CDH12: variants seen among roughly 807,000 people sequenced by gnomAD.
CDH12 encodes the protein cadherin 12.
Under a neutral mutation model 74.1 loss-of-function variants are expected in CDH12, and 41 were observed. The observed-to-expected ratio is 0.55, with a 90% CI of 0.43 to 0.72. The LOEUF (loss-of-function observed/expected upper bound fraction) is 0.72, where lower values mean the gene tolerates loss of function less well. Ranked by LOEUF, CDH12 falls within the 30% of genes least tolerant of loss-of-function variation. CDH12 has a pLI of 0.00. For missense variants in CDH12, 945 were observed against 977.2 expected (o/e 0.97, Z 0.44); for synonymous variants, 399 against 355.0 (o/e 1.12, Z -1.39).
chr5:21,835,217 A>G (rs978736744), intron 8 of CDH12, among the ~76,000 whole-genome samples: 2 of 151,924 alleles, frequency 1.3e-5, no homozygotes, highest in African/African-American at 4.8e-5. Flanking sequence ...CTCAAATAAC[A>G]GGAAATATTT....
At chr5:22,735,220 T>C (rs1744625187) in intron 1 of CDH12, among the ~76,000 whole-genome samples, 1 of 151,900 alleles carries the variant, frequency 6.6e-6, no homozygotes, top group Admixed American at 6.6e-5. Context: ...GTACATTAAA[T>C]GTGTGGCTAT....
chr5:22,314,941 C>CTTTTTTT (rs759734847), intron 3 of CDH12, among the ~76,000 whole-genome samples: 762 of 67,752 alleles, frequency 0.011, 246 homozygotes, highest in East Asian at 0.022. Flanking sequence ...CTGGGTTGGT[C>CTTTTTTT]TTTTTTTTTT....
At chr5:22,325,584 T>C (rs924160725) in intron 3 of CDH12, among the ~76,000 whole-genome samples, 4 of 152,044 alleles carry the variant, frequency 2.6e-5, no homozygotes, top group African/African-American at 9.7e-5. Context: ...GTGTAAGTAA[T>C]GTAAAAACAA....
At chr5:22,543,831 A>C (rs1738202698) in intron 1 of CDH12, among the ~76,000 whole-genome samples, 2 of 152,140 alleles carry the variant, frequency 1.3e-5, no homozygotes, top group Non-Finnish European at 2.9e-5. Context: ...CAATGCTCAT[A>C]CTTTCAAACA....
intron 1 of CDH12, among the ~76,000 whole-genome samples, chr5:22,663,800 C>G (rs958449663): frequency 2.8e-5 from 4 of 144,734 alleles, no homozygotes; most frequent in African/African-American, 1.0e-4. Flanking sequence ...ACATAATGAG[C>G]CATGATATAA....
At chr5:22,120,475 C>G (rs1745443607) in intron 4 of CDH12, among the ~76,000 whole-genome samples, 1 of 152,048 alleles carries the variant, frequency 6.6e-6, no homozygotes, top group Admixed American at 6.6e-5. Flanking sequence ...AAGAGAGAAA[C>G]ACCACTATAA....
At chr5:22,129,682 T>C (rs527951199) in intron 4 of CDH12, among the ~76,000 whole-genome samples, 2 of 152,256 alleles carry the variant, frequency 1.3e-5, no homozygotes, top group African/African-American at 2.4e-5. Context: ...CTTTACGTGT[T>C]TAATCGTTTT....
At chr5:21,816,649 A>AAAAAAAAAAAAAAC (rs1561209107) in intron 9 of CDH12, among the ~76,000 whole-genome samples, 1 of 145,178 alleles carries the variant, frequency 6.9e-6, no homozygotes, top group African/African-American at 2.5e-5. Context: ...AAAAAAAAAA[A>AAAAAAAAAAAAAAC]AAAAGAATAG....
At chr5:21,806,933 T>G (rs1461501196) in intron 9 of CDH12, among the ~76,000 whole-genome samples, 1 of 152,166 alleles carries the variant, frequency 6.6e-6, no homozygotes, top group African/African-American at 2.4e-5. Context: ...GCCAAAACCA[T>G]GTTTGCAAAA....
At chr5:22,230,320 T>A (rs1752337125) in intron 3 of CDH12, among the ~76,000 whole-genome samples, 1 of 152,084 alleles carries the variant, frequency 6.6e-6, no homozygotes, top group Non-Finnish European at 1.5e-5. Flanking sequence ...CAATACATAA[T>A]ATCATTATTT....
chr5:22,756,098 GAA>G (rs60067455), intron 1 of CDH12, among the ~76,000 whole-genome samples: 232 of 87,318 alleles, frequency 2.7e-3, no homozygotes, highest in African/African-American at 5.8e-3. Context: ...TTCAAGGACC[GAA>G]AAAAAAAAAA....
intron 8 of CDH12, among the ~76,000 whole-genome samples, chr5:21,833,177 A>G (rs1326650788): frequency 2.4e-5 from 1 of 42,366 alleles, no homozygotes; most frequent in Non-Finnish European, 3.3e-5. Flanking sequence ...TATTATAAAT[A>G]TATATTATAT....
chr5:21,814,760 C>G (rs1048633939), intron 9 of CDH12, among the ~76,000 whole-genome samples: 1 of 150,394 alleles, frequency 6.6e-6, no homozygotes, highest in African/African-American at 2.4e-5. Flanking sequence ...AATATTATGA[C>G]TTCTTAATTT....
At chr5:22,286,454 C>T (rs1737138063) in intron 3 of CDH12, among the ~76,000 whole-genome samples, 1 of 152,156 alleles carries the variant, frequency 6.6e-6, no homozygotes, top group South Asian at 2.1e-4. Flanking sequence ...AAATTCTAGA[C>T]ACACAAGGTT....
chr5:22,131,028 AT>A (rs1746152728), intron 4 of CDH12, among the ~76,000 whole-genome samples: 1 of 151,992 alleles, frequency 6.6e-6, no homozygotes, highest in African/African-American at 2.4e-5. Flanking sequence ...GCTCCTTATT[AT>A]TGCTTAGTGT....
intron 1 of CDH12, among the ~76,000 whole-genome samples, chr5:22,523,952 C>A (rs1029917011): frequency 1.3e-5 from 2 of 150,364 alleles, no homozygotes; most frequent in Non-Finnish European, 3.0e-5. Context: ...TACCTGAAAT[C>A]TTCTATGCTT....
At position 21,802,203 on chromosome 5, in the gene CDH12, G is replaced by C; in HGVS notation, c.1220C>G (p.Thr407Ser). ...GCTGCCTACATCCAGGTCTTGAGCA[G>C]TGACAGCGCCAATGATGGTCCCTAC... ...TPVGTIIGAVTAQDLDVGSSA... is the reference protein window; with the variant it reads ...TPVGTIIGAVSAQDLDVGSSA... The change falls in exon 10 of 15, where the codon ACT becomes AGT. Residue 407 changes from threonine to serine, a missense_variant. By Grantham distance (58) the Thr-to-Ser change is moderately conservative. This residue lies in a region of CDH12 where 791 missense variants were observed against 792.8 expected (regional missense o/e 1.00). Transcript: ENST00000382254. The C allele has an allele frequency of 6.2e-7, 1 of 1,613,892 alleles. No homozygotes were observed. Among genetic ancestry groups the C allele is most frequent in the East Asian group, 2.2e-5 (1 of 44,766 alleles).
At chr5:21,984,275 T>G (rs1330995079) in intron 5 of CDH12, among the ~76,000 whole-genome samples, 1 of 152,206 alleles carries the variant, frequency 6.6e-6, no homozygotes, top group African/African-American at 2.4e-5. Context: ...CCTAATTCTT[T>G]GCAGGTTACC....
At chr5:22,711,821 T>C (rs186905034) in intron 1 of CDH12, among the ~76,000 whole-genome samples, 1 of 152,210 alleles carries the variant, frequency 6.6e-6, no homozygotes, top group African/African-American at 2.4e-5. Context: ...GTGTTAAAAT[T>C]AGAGAAGTAA....
Sources: gnomAD v4.1 joint callset for allele counts (sites outside exome capture counted in the v4.1 genomes callset) on GRCh38, gnomAD v4.1.1 for gene constraint, gnomAD v4.1.1 regional missense constraint, MANE v1.5 for transcripts, NCBI Gene and HGNC (gene_info 2026-07-23, HGNC 2026-07-21) for gene names.